The following WWOX variants were observed in gnomAD, a reference collection of about 807,000 sequenced individuals.
WWOX encodes the protein WW domain-containing oxidoreductase.
WWOX carries 69 observed loss-of-function variants against 46.2 expected under a neutral mutation model. That is an observed-to-expected ratio of 1.49 (90% confidence interval 1.23 to 1.82). The LOEUF (loss-of-function observed/expected upper bound fraction) is 1.82. Ranked by LOEUF, WWOX falls within the 40% of genes most tolerant of loss-of-function variation. WWOX has a pLI of 0.00. For missense variants in WWOX, 919 were observed against 542.6 expected, an observed-to-expected ratio of 1.69 and a Z score of -6.89; for synonymous variants, 359 against 202.6, an observed-to-expected ratio of 1.77 and a Z score of -6.56.
intron 8 of WWOX, among the ~76,000 whole-genome samples, chr16:78,819,525 G>T (rs1287034720): frequency 1.3e-5 from 2 of 152,220 alleles, no homozygotes; most frequent in Admixed American, 1.3e-4. Flanking sequence ...AATTAAAAAT[G>T]GGTGTAAATG....
At chr16:78,214,024 G>A (rs778412018) in intron 5 of WWOX, among the ~76,000 whole-genome samples, 1 of 152,190 alleles carries the variant, frequency 6.6e-6, no homozygotes. Context: ...CAGAGTCTGC[G>A]CCTCCCAGCC....
chr16:78,841,350 G>C (rs965222973), intron 8 of WWOX, among the ~76,000 whole-genome samples: 5 of 152,194 alleles, frequency 3.3e-5, no homozygotes, highest in African/African-American at 1.2e-4. Flanking sequence ...TGATTAAATA[G>C]TTGGGTGCTA....
intron 6 of WWOX, among the ~76,000 whole-genome samples, chr16:78,388,533 G>C (rs745991206): frequency 6.6e-6 from 1 of 150,936 alleles, no homozygotes; most frequent in Non-Finnish European, 1.5e-5. Context: ...TCTAGTCCTA[G>C]CTACTTGGGA....
intron 6 of WWOX, among the ~76,000 whole-genome samples, chr16:78,423,690 A>G (rs1158128445): frequency 6.6e-6 from 1 of 151,994 alleles, no homozygotes; most frequent in Non-Finnish European, 1.5e-5. Flanking sequence ...AAAAAATAAG[A>G]AATAAAATAG....
intron 5 of WWOX, among the ~76,000 whole-genome samples, chr16:78,295,264 C>A (rs111950467): frequency 0.017 from 2,644 of 152,306 alleles, 94 homozygotes; most frequent in African/African-American, 0.06. Context: ...ATGTGCTAAT[C>A]AAGCTGTCTC....
chr16:78,557,901 T>A (rs1675109676), intron 8 of WWOX, among the ~76,000 whole-genome samples: 1 of 152,032 alleles, frequency 6.6e-6, no homozygotes, highest in Non-Finnish European at 1.5e-5. Flanking sequence ...TTCACCAGGT[T>A]GGCCAGGCTG....
intron 8 of WWOX, among the ~76,000 whole-genome samples, chr16:78,997,497 A>G (rs56159465): frequency 7.8e-4 from 119 of 151,956 alleles, no homozygotes; most frequent in Non-Finnish European, 1.4e-3. Flanking sequence ...CCAGATTTTT[A>G]TTTTATTTTT....
In WWOX at chr16:78,342,214, G is replaced by C. The variant is rs138874153; in HGVS notation, c.517-44646G>C. On this transcript the variant is annotated intron_variant, in intron 5 of 8. Transcript: ENST00000566780. ...GAGGGGACCTTTCTGGGGTCTTTTA[G>C]TCAGGGTACATAAGTGTCAGCTGCT... is the stretch of plus-strand genomic sequence containing the variant. 1.7e-4 allele frequency among the ~76,000 whole-genome samples: 21 copies of C among 121,628 alleles called. No homozygotes were observed. In the East Asian group the frequency reaches 3.9e-3, roughly 22 times the overall value. 79.8% of individuals were successfully genotyped at this position (121,628 alleles called of 152,430 possible). A position where few individuals can be genotyped will look rare whatever the true frequency, so the allele number is the denominator to read the frequency against.
intron 5 of WWOX, among the ~76,000 whole-genome samples, chr16:78,306,689 A>C (rs938432071): frequency 1.3e-5 from 2 of 151,234 alleles, no homozygotes; most frequent in Non-Finnish European, 2.9e-5. Context: ...GATGAGCCCT[A>C]TGCCTTCCCA....
chr16:78,334,922 T>A (rs994379684), intron 5 of WWOX, among the ~76,000 whole-genome samples: 2,631 of 131,408 alleles, frequency 0.02, 37 homozygotes, highest in African/African-American at 0.049. Context: ...ACCATCTTTT[T>A]TTAAAAAAAA....
Position 78,478,731 on chromosome 16 carries a change from T to C in WWOX, c.1056+45979T>C, listed in dbSNP as rs551281929. 3.3e-5 allele frequency among the ~76,000 whole-genome samples: 5 copies of C among 152,360 alleles called. No homozygotes were observed. The South Asian group carries it at 8.3e-4, about 25-fold the overall frequency. ...GGTGCTTAATTTCCTGTGGTCCTTA[T>C]GAATATGCATACAGTATGTGCTCAG... On this transcript the variant is annotated intron_variant, in intron 8 of 8. Coordinates refer to ENST00000566780, the MANE Select transcript of WWOX (RefSeq NM_016373.4).
chr16:78,105,697 T>C (rs1049423094), intron 1 of WWOX, among the ~76,000 whole-genome samples: 1 of 152,222 alleles, frequency 6.6e-6, no homozygotes, highest in African/African-American at 2.4e-5. Flanking sequence ...TGAGGCTACA[T>C]GTCTGAGGGC....
chr16:79,023,035 T>A (rs2047565664), intron 8 of WWOX, among the ~76,000 whole-genome samples: 1 of 151,478 alleles, frequency 6.6e-6, no homozygotes, highest in Admixed American at 6.6e-5. Context: ...CTCACTGCTG[T>A]TGGCTTATTG....
chr16:78,922,956 A>G (rs1452164691), intron 8 of WWOX, among the ~76,000 whole-genome samples: 4 of 149,608 alleles, frequency 2.7e-5, no homozygotes, highest in East Asian at 4.0e-4. Context: ...AATATTCCAT[A>G]TTCAGGAGGC....
intron 8 of WWOX, among the ~76,000 whole-genome samples, chr16:78,572,308 T>C (rs2044736369): frequency 6.6e-6 from 1 of 152,096 alleles, no homozygotes; most frequent in Admixed American, 6.5e-5. Context: ...TAAAACAGCG[T>C]TTACAGCTGG....
intron 8 of WWOX, among the ~76,000 whole-genome samples, chr16:78,529,235 A>G (rs969630993): frequency 3.3e-5 from 5 of 151,966 alleles, no homozygotes; most frequent in African/African-American, 1.2e-4. Flanking sequence ...GATTATGGGT[A>G]TGAGCTACTG....
At chr16:78,142,562 C>T (rs934792938) in intron 4 of WWOX, among the ~76,000 whole-genome samples, 1 of 152,196 alleles carries the variant, frequency 6.6e-6, no homozygotes, top group South Asian at 2.1e-4. Context: ...GCCAGAAAAG[C>T]ATCGTCTTGT....
chr16:78,395,857 G>C (rs2082273513), intron 6 of WWOX, among the ~76,000 whole-genome samples: 1 of 152,042 alleles, frequency 6.6e-6, no homozygotes, highest in Non-Finnish European at 1.5e-5. Flanking sequence ...TTTTCTTTCG[G>C]AGTAAATGCT....
chr16:78,939,298 G>A (rs2045805059), intron 8 of WWOX, among the ~76,000 whole-genome samples: 1 of 152,210 alleles, frequency 6.6e-6, no homozygotes, highest in African/African-American at 2.4e-5. Context: ...CTGCTACCTG[G>A]ATGGTGTGTT....
Sources: allele counts gnomAD v4.1 joint callset (sites outside exome capture counted in the v4.1 genomes callset), GRCh38; gene constraint gnomAD v4.1.1; transcripts MANE v1.5; gene names NCBI Gene and HGNC (gene_info 2026-07-23, HGNC 2026-07-21).